Variants in LSAMP observed in about 807,000 individuals in gnomAD.
LSAMP encodes limbic system associated membrane protein, also known as limbic system-associated membrane protein.
LSAMP carries 7 observed loss-of-function variants against 38.6 expected under a neutral mutation model. That is an observed-to-expected ratio of 0.18 (90% CI 0.10 to 0.34). LSAMP has a LOEUF of 0.34. LSAMP is among the 10% of genes least tolerant of loss of function. The probability of loss-of-function intolerance (pLI) is 1.00; values close to 1 mark genes in which losing one functional copy is unlikely to be tolerated. For missense variants in LSAMP, 313 were observed against 420.0 expected, an observed-to-expected ratio of 0.75 and a Z score of 2.23; for synonymous variants, 154 against 166.8, an observed-to-expected ratio of 0.92 and a Z score of 0.59.
chr3:116,111,263 A>C (rs1054718641), intron 1 of LSAMP, among the ~76,000 whole-genome samples: 2 of 152,188 alleles, frequency 1.3e-5, no homozygotes, highest in Non-Finnish European at 2.9e-5. Context: ...GGAGTTGACT[A>C]TAGGACAGTT....
At chr3:115,814,814 A>G (rs1933959540) in intron 6 of LSAMP, among the ~76,000 whole-genome samples, 1 of 152,238 alleles carries the variant, frequency 6.6e-6, no homozygotes, top group Admixed American at 6.5e-5. Context: ...AATTCTAAAC[A>G]ATTTGTAAAA....
At chr3:116,153,972 C>G (rs1709682263) in intron 1 of LSAMP, among the ~76,000 whole-genome samples, 1 of 151,866 alleles carries the variant, frequency 6.6e-6, no homozygotes, top group South Asian at 2.1e-4. Flanking sequence ...TTTATTTATT[C>G]AAAAAAATTG....
At chr3:116,109,475 C>A (rs1030611749) in intron 1 of LSAMP, among the ~76,000 whole-genome samples, 3 of 151,898 alleles carry the variant, frequency 2.0e-5, no homozygotes, top group Admixed American at 6.6e-5. Flanking sequence ...AGATTTGGGA[C>A]GAGTTGCACT....
intron 1 of LSAMP, among the ~76,000 whole-genome samples, chr3:116,198,195 G>A (rs1342014628): frequency 6.6e-6 from 1 of 152,186 alleles, no homozygotes; most frequent in Non-Finnish European, 1.5e-5. Flanking sequence ...AGTTGCTACT[G>A]TTCATAGTGA....
intron 1 of LSAMP, among the ~76,000 whole-genome samples, chr3:116,110,991 CG>C (rs368513923): frequency 1.3e-4 from 19 of 143,062 alleles, no homozygotes; most frequent in East Asian, 2.2e-4. Flanking sequence ...TGGGCAGGGG[CG>C]GGGGGTCACA....
chr3:115,846,261 CAAAG>C (rs1935155532), intron 4 of LSAMP, among the ~76,000 whole-genome samples: 1 of 152,136 alleles, frequency 6.6e-6, no homozygotes, highest in Non-Finnish European at 1.5e-5. Flanking sequence ...TTACAATTGT[CAAAG>C]GACTCTTCCA....
chr3:116,444,898 T>G lies in LSAMP; in HGVS notation c.134A>C (p.Gln45Pro). 6.2e-7 allele frequency: 1 copy of G among 1,613,982 alleles called. No homozygotes were observed. The highest frequency in any genetic ancestry group is 8.5e-7 in the Non-Finnish European group (1 of 1,180,010). ...NRGTDNITVR[Q>P]GDTAILRCVV... The stretch of plus-strand genomic sequence containing the variant: ...CTACCTGAGGATGGCTGTGTCCCCC[T>G]GCCTCACGGTGATGTTGTCCGTGCC... The change falls in exon 1 of 7, where the codon CAG (glutamine) becomes CCG (proline). Residue 45 changes from glutamine (Q) to proline (P), a missense_variant. Gln to Pro is a moderately conservative substitution (Grantham distance 76). Transcript: ENST00000490035.
rs188621418 is a variant in LSAMP, at chr3:115,854,739, C to T, written c.515-2122G>A. 2.1e-3 allele frequency among the ~76,000 whole-genome samples: 315 copies of T among 152,240 alleles called. 2 individuals carry two copies. Among genetic ancestry groups the T allele is most frequent in the Non-Finnish European group, 3.7e-3 (252 of 68,020 alleles). On this transcript the variant is annotated intron_variant, in intron 3 of 6. Transcript: ENST00000490035. ...ATCTTTCCTGCATATTGTTTCTATG[C>T]ACTAAGTGTCATGCCAACTATTTGA...
At chr3:115,941,312 C>A (rs533076640) in intron 3 of LSAMP, among the ~76,000 whole-genome samples, 2 of 151,980 alleles carry the variant, frequency 1.3e-5, no homozygotes, top group South Asian at 4.1e-4. Context: ...AAAAAGGGAA[C>A]CTTGCACAAT....
intron 3 of LSAMP, among the ~76,000 whole-genome samples, chr3:115,929,606 C>A (rs545034614): frequency 1.3e-5 from 2 of 152,172 alleles, no homozygotes; most frequent in South Asian, 4.2e-4. Flanking sequence ...GCTCATTAAA[C>A]AAGTGTCTAA....
At chr3:116,429,065 G>A (rs916083958) in intron 1 of LSAMP, among the ~76,000 whole-genome samples, 1 of 152,126 alleles carries the variant, frequency 6.6e-6, no homozygotes, top group Non-Finnish European at 1.5e-5. Flanking sequence ...TACCCAAAAT[G>A]CTATATTATA....
chr3:115,929,502 A>C (rs1937547397), intron 3 of LSAMP, among the ~76,000 whole-genome samples: 2 of 152,076 alleles, frequency 1.3e-5, no homozygotes, highest in South Asian at 4.1e-4. Context: ...GGTAGCTCTA[A>C]AGACAAAAAA....
At chr3:116,171,386 A>G (rs1167743652) in intron 1 of LSAMP, among the ~76,000 whole-genome samples, 2 of 152,148 alleles carry the variant, frequency 1.3e-5, no homozygotes, top group Non-Finnish European at 2.9e-5. Flanking sequence ...AACAAAATTG[A>G]GTTATATTAA....
chr3:116,074,276 A>G lies in LSAMP; in HGVS notation c.388+12048T>C, dbSNP rs147595867. 2.8e-4 allele frequency among the ~76,000 whole-genome samples: 42 copies of G among 152,284 alleles called. No homozygotes were observed. The East Asian group carries it at 8.1e-3, about 29-fold the overall frequency. ...GTGGTAATGTCTGCCTCCCAACCAT[A>G]TTGACAAGGAGGAAAATCCCCCAAA... is the stretch of plus-strand genomic sequence containing the variant. On this transcript the variant is annotated intron_variant, in intron 2 of 6. Transcript: ENST00000490035.
At chr3:116,320,802 C>A (rs1020323606) in intron 1 of LSAMP, among the ~76,000 whole-genome samples, 1 of 152,136 alleles carries the variant, frequency 6.6e-6, no homozygotes, top group Non-Finnish European at 1.5e-5. Flanking sequence ...ACATCATAAG[C>A]AAGCAGTGAA....
intron 1 of LSAMP, among the ~76,000 whole-genome samples, chr3:116,257,250 G>A (rs777810881): frequency 1.3e-5 from 2 of 152,192 alleles, no homozygotes; most frequent in Non-Finnish European, 2.9e-5. Flanking sequence ...TACAAATGGA[G>A]TATGCCCAAT....
intron 3 of LSAMP, among the ~76,000 whole-genome samples, chr3:115,862,166 A>C (rs145588515): frequency 2.9e-4 from 44 of 152,156 alleles, no homozygotes; most frequent in East Asian, 2.5e-3. Flanking sequence ...ATCACTCACC[A>C]TTGTCATCAG....
At chr3:116,257,311 T>A (rs1397155164) in intron 1 of LSAMP, among the ~76,000 whole-genome samples, 2 of 152,188 alleles carry the variant, frequency 1.3e-5, no homozygotes, top group Non-Finnish European at 1.5e-5. Flanking sequence ...AAGGCATGAA[T>A]AATAAGCCAA....
At chr3:116,260,109 A>T (rs2046805125) in intron 1 of LSAMP, among the ~76,000 whole-genome samples, 2 of 152,166 alleles carry the variant, frequency 1.3e-5, no homozygotes, top group Non-Finnish European at 1.5e-5. Flanking sequence ...ATTTACATTC[A>T]GAAGATGGTT....
Sources: allele counts gnomAD v4.1 joint callset (sites outside exome capture counted in the v4.1 genomes callset), GRCh38; gene constraint gnomAD v4.1.1; transcripts MANE v1.5; gene names NCBI Gene and HGNC (gene_info 2026-07-23, HGNC 2026-07-21).